The following ANKRD18A variants were observed in gnomAD, a reference collection of about 807,000 sequenced individuals.
The protein encoded by ANKRD18A is ankyrin repeat domain 18A, also known as ankyrin repeat domain-containing protein 18A.
In ANKRD18A, 72 loss-of-function variants were observed where a neutral mutation model predicts 110.6. That is an observed-to-expected ratio of 0.65 (90% CI 0.54 to 0.79). The LOEUF (loss-of-function observed/expected upper bound fraction) is 0.79. Ranked by LOEUF, ANKRD18A falls within the 30% of genes least tolerant of loss-of-function variation. The pLI, the probability that ANKRD18A is intolerant of heterozygous loss-of-function variation, is 0.00. For missense variants in ANKRD18A, 934 were observed against 1,163.3 expected, an observed-to-expected ratio of 0.80 and a Z score of 2.87; for synonymous variants, 305 against 410.3, an observed-to-expected ratio of 0.74 and a Z score of 3.10.
At chr9:38,612,121 T>C (rs1825645354) in intron 3 of ANKRD18A, among the ~76,000 whole-genome samples, 1 of 152,176 alleles carries the variant, frequency 6.6e-6, no homozygotes, top group Non-Finnish European at 1.5e-5. Flanking sequence ...GAGATTGGCT[T>C]CAAATGCACT....
intron 8 of ANKRD18A, among the ~76,000 whole-genome samples, chr9:38,598,441 C>T (rs1289902295): frequency 5.3e-5 from 8 of 152,172 alleles, no homozygotes; most frequent in Non-Finnish European, 1.5e-5. Flanking sequence ...CCCACTGTAA[C>T]TATACACATG....
chr9:38,585,676 T>A (rs1824348583), intron 12 of ANKRD18A, among the ~76,000 whole-genome samples: 1 of 152,190 alleles, frequency 6.6e-6, no homozygotes, highest in Non-Finnish European at 1.5e-5. Context: ...TATGTTTAAA[T>A]ATAAATTATT....
At chr9:38,614,846 T>A (rs1230859146) in intron 3 of ANKRD18A, among the ~76,000 whole-genome samples, 1 of 152,224 alleles carries the variant, frequency 6.6e-6, no homozygotes, top group Non-Finnish European at 1.5e-5. Flanking sequence ...TCTAAGTTGC[T>A]GTTTTTGCCG....
intron 6 of ANKRD18A, 65 bp downstream of exon 6, chr9:38,607,345 CCATGCCTGGCCTGTAA>C (rs1825407686): frequency 8.4e-7 from 1 of 1,189,388 alleles, no homozygotes; most frequent in Non-Finnish European, 1.1e-6. Flanking sequence ...GTGTGAGCCA[CCATGCCTGGCCTGTAA>C]TTTTGCTTTT....
At chr9:38,594,251 G>A (rs1241303624) in intron 9 of ANKRD18A, among the ~76,000 whole-genome samples, 2 of 152,116 alleles carry the variant, frequency 1.3e-5, no homozygotes, top group Non-Finnish European at 2.9e-5. Flanking sequence ...CGGCCTTCAA[G>A]GCCCTAGGTA....
At chr9:38,585,955 G>T (rs915420810) in intron 12 of ANKRD18A, among the ~76,000 whole-genome samples, 5 of 152,174 alleles carry the variant, frequency 3.3e-5, no homozygotes, top group Non-Finnish European at 7.3e-5. Flanking sequence ...GGAGCTGAAT[G>T]ATGAGAACAC....
chr9:38,570,666 T>C (rs1380205708), downstream of ANKRD18A, among the ~76,000 whole-genome samples: 2 of 152,172 alleles, frequency 1.3e-5, no homozygotes, highest in Admixed American at 6.5e-5. Context: ...AGCAGCTGTG[T>C]TCAAAGTCTC....
downstream of ANKRD18A, chr9:38,571,001 G>T (rs555663995): frequency 8.9e-7 from 1 of 1,129,106 alleles, no homozygotes. Flanking sequence ...GAAGAGCCCC[G>T]ACCTAGAGAC....
At position 38,575,540 on chromosome 9, in the gene ANKRD18A, G is replaced by A. The variant is rs546010333; in HGVS notation, c.2900C>T (p.Thr967Met). The A allele has an allele frequency of 3.3e-4, 506 of 1,551,518 alleles. 1 individual carries two copies. The African/African-American group carries it at 4.5e-3, about 14-fold the overall frequency. Residue 967 changes from threonine (T) to methionine (M), a missense_variant, in exon 15 of 16, where the codon ACG becomes ATG. Physicochemically the swap from Thr to Met is moderately conservative, Grantham distance 81. Coordinates refer to ENST00000399703, the MANE Select transcript of ANKRD18A (RefSeq NM_147195.4). ...IELNRKYIPKTAIRIPTSNPQ... is the reference protein window; with the variant it reads ...IELNRKYIPKMAIRIPTSNPQ... ...GTTTGAAGTAGGAATTCTTATGGCC[G>A]TTTTGGGAATATATTTTCTGTTGAG...
chr9:38,602,112 G>T (rs1444332328), intron 7 of ANKRD18A, among the ~76,000 whole-genome samples: 1 of 148,900 alleles, frequency 6.7e-6, no homozygotes, highest in Non-Finnish European at 1.5e-5. Flanking sequence ...CGTACTTTTT[G>T]AATTTTTCTA....
chr9:38,614,598 C>T (rs1157218890), intron 3 of ANKRD18A, among the ~76,000 whole-genome samples: 2 of 152,188 alleles, frequency 1.3e-5, no homozygotes, highest in Non-Finnish European at 2.9e-5. Flanking sequence ...CTGCAGCAGA[C>T]AATCACTTCA....
chr9:38,611,914 T>C (rs1439456707), intron 3 of ANKRD18A, among the ~76,000 whole-genome samples: 2 of 152,206 alleles, frequency 1.3e-5, no homozygotes, highest in Admixed American at 6.5e-5. Flanking sequence ...AATTTGACAA[T>C]GCTTTTTGTG....
chr9:38,577,374 GA>G, intron 13 of ANKRD18A, 110 bp from the exon 14 acceptor site: 1 of 1,075,480 alleles, frequency 9.3e-7, no homozygotes, highest in South Asian at 1.7e-5. Context: ...TGAGTATGTT[GA>G]AAAGAGGCTG....
intron 11 of ANKRD18A, among the ~76,000 whole-genome samples, chr9:38,588,335 T>C (rs191638597): frequency 4.6e-5 from 7 of 152,268 alleles, no homozygotes; most frequent in Admixed American, 4.6e-4. Context: ...TTTGATTTTT[T>C]TAATAATTCC....
downstream of ANKRD18A, chr9:38,569,561 C>T (rs1321235778): frequency 8.6e-6 from 5 of 582,826 alleles, no homozygotes; most frequent in African/African-American, 1.0e-4. Flanking sequence ...ACACAACCCA[C>T]CACAACAGGA....
intron 1 of ANKRD18A, among the ~76,000 whole-genome samples, chr9:38,618,195 T>C (rs1370843268): frequency 6.6e-6 from 1 of 152,208 alleles, no homozygotes; most frequent in Non-Finnish European, 1.5e-5. Context: ...CCATTAATAA[T>C]AAATTTTTAC....
At chr9:38,585,025 C>T (rs1824321684) in intron 12 of ANKRD18A, among the ~76,000 whole-genome samples, 1 of 152,122 alleles carries the variant, frequency 6.6e-6, no homozygotes, top group Admixed American at 6.5e-5. Flanking sequence ...TGTTGCAGGG[C>T]CAAGAGATTG....
At chr9:38,582,941 G>A (rs1824224785) in intron 12 of ANKRD18A, among the ~76,000 whole-genome samples, 1 of 152,124 alleles carries the variant, frequency 6.6e-6, no homozygotes, top group South Asian at 2.1e-4. Flanking sequence ...ACATATATAG[G>A]ATATATAAAG....
Position 38,609,460 on chromosome 9 carries a change from G to A in ANKRD18A, c.740+813C>T, listed in dbSNP as rs557790220. Among the ~76,000 whole-genome samples the A allele has an allele frequency of 2.0e-4, 31 of 152,060 alleles. No individual in the cohort carries two copies. The East Asian group carries it at 5.4e-3, about 27-fold the overall frequency. On this transcript the variant is annotated intron_variant, in intron 5 of 15. Transcript: ENST00000399703. ...TGCGCCACTGCACTCCAGCCTGGGC[G>A]ACTGAGCAAGACTCCGTCTCGAAAA... is the stretch of plus-strand genomic sequence containing the variant.
Sources: gnomAD v4.1 joint callset for allele counts (sites outside exome capture counted in the v4.1 genomes callset) on GRCh38, gnomAD v4.1.1 for gene constraint, MANE v1.5 for transcripts, NCBI Gene and HGNC (gene_info 2026-07-23, HGNC 2026-07-21) for gene names.